Variants in WWOX observed in about 807,000 individuals in gnomAD.
The protein encoded by WWOX is WW domain containing oxidoreductase, also known as WW domain-containing oxidoreductase.
A neutral mutation model predicts 46.2 loss-of-function variants in WWOX; 69 were observed. The observed-to-expected ratio is 1.49, with a 90% confidence interval of 1.23 to 1.82. The LOEUF is 1.82. Ranked by LOEUF, WWOX falls within the 40% of genes most tolerant of loss-of-function variation. The pLI is 0.00. For missense variants in WWOX, 919 were observed against 542.6 expected (o/e 1.69, Z -6.89); for synonymous variants, 359 against 202.6 (o/e 1.77, Z -6.56).
chr16:79,104,911 G>A (rs554006358), intron 8 of WWOX, among the ~76,000 whole-genome samples: 13 of 152,162 alleles, frequency 8.5e-5, no homozygotes, highest in Non-Finnish European at 8.8e-5. Context: ...TAGACTCTGC[G>A]CCTGGCTAAT....
intron 8 of WWOX, among the ~76,000 whole-genome samples, chr16:78,831,218 G>A (rs554477703): frequency 4.3e-5 from 6 of 139,352 alleles, no homozygotes; most frequent in Non-Finnish European, 9.3e-5. Flanking sequence ...TCGAGGTCAT[G>A]TTTTCCCTCC....
At chr16:78,385,966 G>A (rs1297178768) in intron 5 of WWOX, among the ~76,000 whole-genome samples, 2 of 152,180 alleles carry the variant, frequency 1.3e-5, no homozygotes, top group Non-Finnish European at 2.9e-5. Flanking sequence ...GGGGCAACCC[G>A]GAGATTTGTC....
chr16:78,275,562 A>G (rs1011124749), intron 5 of WWOX, among the ~76,000 whole-genome samples: 1 of 152,202 alleles, frequency 6.6e-6, no homozygotes, highest in African/African-American at 2.4e-5. Flanking sequence ...TTGGGGCGGT[A>G]TCCTGAATGA....
In WWOX at chr16:78,796,746, A is replaced by T. The variant is rs143566025; in HGVS notation, c.1056+363994A>T. Reference sequence around the variant, plus strand: ...GAGCCAGAAGCATTCTTCAGTTCCCAACGGCCATCCAGCCACTCATTGCTG... The same window carrying T: ...GAGCCAGAAGCATTCTTCAGTTCCCTACGGCCATCCAGCCACTCATTGCTG... On this transcript the variant is annotated intron_variant, in intron 8 of 8. Transcript: ENST00000566780. Among the ~76,000 whole-genome samples the T allele has an allele frequency of 1.2e-4, 19 of 152,248 alleles. No homozygotes were observed. The East Asian group carries it at 3.3e-3, about 26-fold the overall frequency.
At chr16:78,961,621 G>T (rs1261745830) in intron 8 of WWOX, among the ~76,000 whole-genome samples, 1 of 151,986 alleles carries the variant, frequency 6.6e-6, no homozygotes, top group Non-Finnish European at 1.5e-5. Flanking sequence ...TCTTCTGAAG[G>T]GACTCTTTAC....
chr16:78,820,879 G>T (rs1310785837), intron 8 of WWOX, among the ~76,000 whole-genome samples: 1 of 152,030 alleles, frequency 6.6e-6, no homozygotes, highest in Non-Finnish European at 1.5e-5. Context: ...ATGTCCCTTG[G>T]CTTGGAAACA....
intron 8 of WWOX, among the ~76,000 whole-genome samples, chr16:78,560,453 G>T (rs1170262141): frequency 6.6e-6 from 1 of 152,102 alleles, no homozygotes; most frequent in Admixed American, 6.6e-5. Flanking sequence ...AACCAGCCTG[G>T]CCAACATGGT....
At chr16:78,271,092 T>G (rs2079469258) in intron 5 of WWOX, among the ~76,000 whole-genome samples, 1 of 152,258 alleles carries the variant, frequency 6.6e-6, no homozygotes, top group Non-Finnish European at 1.5e-5. Context: ...TACATCAACA[T>G]TAAGCTAATT....
At chr16:78,987,266 C>T (rs184339865) in intron 8 of WWOX, among the ~76,000 whole-genome samples, 49 of 152,252 alleles carry the variant, frequency 3.2e-4, no homozygotes, top group African/African-American at 9.9e-4. Context: ...TTATTGATTG[C>T]TTTAGGTTCC....
chr16:78,632,528 G>T (rs890315970), intron 8 of WWOX, among the ~76,000 whole-genome samples: 1 of 140,198 alleles, frequency 7.1e-6, no homozygotes, highest in Non-Finnish European at 1.5e-5. Flanking sequence ...TCATACCACA[G>T]ACACTCTCTT....
At chr16:78,717,510 T>C (rs2048591338) in intron 8 of WWOX, among the ~76,000 whole-genome samples, 1 of 152,168 alleles carries the variant, frequency 6.6e-6, no homozygotes, top group African/African-American at 2.4e-5. Context: ...GTATATGAAC[T>C]GTTGGAAGGG....
intron 8 of WWOX, among the ~76,000 whole-genome samples, chr16:79,129,569 G>T (rs886318997): frequency 6.6e-6 from 1 of 151,564 alleles, no homozygotes. Context: ...AAATAATTAG[G>T]ATTACCTCTA....
At chr16:78,775,229 A>G (rs534542357) in intron 8 of WWOX, among the ~76,000 whole-genome samples, 186 of 152,268 alleles carry the variant, frequency 1.2e-3, no homozygotes, top group African/African-American at 4.3e-3. Context: ...TCAGGACTGT[A>G]TTCAGCCCGG....
intron 8 of WWOX, among the ~76,000 whole-genome samples, chr16:79,084,967 C>T (rs2048827407): frequency 6.6e-6 from 1 of 151,862 alleles, no homozygotes; most frequent in Non-Finnish European, 1.5e-5. Flanking sequence ...TGTCTGTCTC[C>T]CAGGCTGGAG....
chr16:78,334,230 G>A (rs2080826067), intron 5 of WWOX, among the ~76,000 whole-genome samples: 2 of 152,242 alleles, frequency 1.3e-5, no homozygotes, highest in East Asian at 1.9e-4. Flanking sequence ...CACAAACTGC[G>A]GCTCGTACAA....
intron 8 of WWOX, among the ~76,000 whole-genome samples, chr16:79,042,648 C>T (rs775866711): frequency 5.9e-5 from 9 of 151,818 alleles, no homozygotes; most frequent in Non-Finnish European, 1.3e-4. Context: ...GTTAATCATA[C>T]GCATACAGTG....
At chr16:79,060,583 G>A (rs1053192771) in intron 8 of WWOX, among the ~76,000 whole-genome samples, 16 of 152,260 alleles carry the variant, frequency 1.1e-4, no homozygotes, top group African/African-American at 3.9e-4. Context: ...GGCAAACCAA[G>A]AAGAATGCAG....
At chr16:79,046,192 G>T (rs1028141198) in intron 8 of WWOX, among the ~76,000 whole-genome samples, 4 of 152,148 alleles carry the variant, frequency 2.6e-5, no homozygotes, top group Non-Finnish European at 5.9e-5. Flanking sequence ...AGTAGCCACT[G>T]TTATTATTAT....
rs1199918228 is a variant in WWOX, at chr16:78,650,047, T to C, written c.1056+217295T>C. 7.9e-5 allele frequency among the ~76,000 whole-genome samples: 12 copies of C among 152,346 alleles called. 1 individual carries two copies. In the South Asian group the frequency reaches 2.1e-3, roughly 26 times the overall value. ...TGTATATTGGAAGCCTATTGTACTT[T>C]ATCTGTGTAACTGTCGTAGCAGCTA... On this transcript the variant is annotated intron_variant, in intron 8 of 8. Transcript: ENST00000566780.
Sources: gnomAD v4.1 joint callset for allele counts (sites outside exome capture counted in the v4.1 genomes callset) on GRCh38, gnomAD v4.1.1 for gene constraint, MANE v1.5 for transcripts, NCBI Gene and HGNC (gene_info 2026-07-23, HGNC 2026-07-21) for gene names.